The following SEMA4B variants were observed in gnomAD, a reference collection of about 807,000 sequenced individuals.
The protein encoded by SEMA4B is semaphorin 4B.
Under a neutral mutation model 88.1 loss-of-function variants are expected in SEMA4B, and 55 were observed. The ratio of observed to expected loss-of-function variants is 0.62; its 90% CI spans 0.50 to 0.78. The LOEUF (loss-of-function observed/expected upper bound fraction) is 0.78, where lower values mean the gene tolerates loss of function less well. Ranked by LOEUF, SEMA4B falls within the 30% of genes least tolerant of loss-of-function variation. The probability of loss-of-function intolerance (pLI) is 0.00; values close to 1 mark genes in which losing one functional copy is unlikely to be tolerated. For synonymous variants in SEMA4B, 525 were observed against 473.6 expected (o/e 1.11, Z -1.41); for missense variants, 1,062 against 1,111.9 (o/e 0.96, Z 0.64).
chr15:90,188,603 G>C (rs924486028), intron 1 of SEMA4B, among the ~76,000 whole-genome samples: 1 of 151,984 alleles, frequency 6.6e-6, no homozygotes. Context: ...ACTCCAGCCT[G>C]GACGACAGAA....
intron 1 of SEMA4B, chr15:90,185,119 G>GCC: frequency 1.0e-6 from 1 of 962,066 alleles, no homozygotes. Context: ...GGGAGCCGCT[G>GCC]CCCGGGAGGT....
Position 90,225,153 on chromosome 15 carries a change from C to T in SEMA4B, c.1380C>T (p.Thr460=). The T allele has an allele frequency of 1.2e-6, 2 of 1,609,632 alleles. No homozygotes were observed. Among genetic ancestry groups the T allele is most frequent in the Non-Finnish European group, 1.7e-6 (2 of 1,177,956 alleles). Reference sequence around the variant, plus strand: ...ACCGCGTCCCTGGCCTGCACCACACCTACGATGTCCTCTTCCTGGGCACTG... The same window carrying T: ...ACCGCGTCCCTGGCCTGCACCACACTTACGATGTCCTCTTCCTGGGCACTG... ...AVHRVPGLHH[T]YDVLFLGTGD... is the part of the protein sequence containing the mutation. The change falls in exon 10 of 14, where the codon ACC becomes ACT. Residue 460 remains threonine, a synonymous_variant. Coordinates refer to ENST00000411539, the MANE Select transcript of SEMA4B (RefSeq NM_198925.4).
chr15:90,210,305 T>G (rs768817358), intron 1 of SEMA4B, among the ~76,000 whole-genome samples: 1 of 151,932 alleles, frequency 6.6e-6, no homozygotes, highest in Non-Finnish European at 1.5e-5. Flanking sequence ...GTCTGGTGTG[T>G]TGGAGGAAGA....
At chr15:90,195,108 T>A (rs1960461312) in intron 1 of SEMA4B, among the ~76,000 whole-genome samples, 2 of 152,228 alleles carry the variant, frequency 1.3e-5, no homozygotes, top group Admixed American at 1.3e-4. Context: ...TGATTTTGTT[T>A]GTTTTTTTTT....
chr15:90,199,018 C>T (rs906920252), upstream of SEMA4B, among the ~76,000 whole-genome samples: 1 of 152,148 alleles, frequency 6.6e-6, no homozygotes, highest in Non-Finnish European at 1.5e-5. Context: ...GGATTACAGG[C>T]ACACACCACC....
intron 1 of SEMA4B, chr15:90,206,850 T>C: frequency 1.4e-6 from 1 of 719,974 alleles, no homozygotes; most frequent in Non-Finnish European, 2.5e-6. Flanking sequence ...TCTGTCAAAT[T>C]GACAGAGAGG....
At chr15:90,214,633 CAAAAAAAAAAAAA>C (rs766089827) in intron 1 of SEMA4B, among the ~76,000 whole-genome samples, 1 of 94,278 alleles carries the variant, frequency 1.1e-5, no homozygotes, top group Admixed American at 1.2e-4. Context: ...AACACCATCT[CAAAAAAAAAAAAA>C]AAAAAAAAGG....
intron 1 of SEMA4B, among the ~76,000 whole-genome samples, chr15:90,186,000 C>T (rs1179058344): frequency 2.4e-5 from 3 of 123,770 alleles, no homozygotes; most frequent in Non-Finnish European, 4.7e-5. Flanking sequence ...GTAGCGCGAT[C>T]TTGGCTCACC....
chr15:90,228,268 C>A lies in SEMA4B; in HGVS notation c.2139C>A (p.Ser713=). Reference sequence around the variant, plus strand: ...AGGCCAGCTGGGGTGCAGACAGGTCCTACTGGAAGGAGTTCCTGGTGATGT... The same window carrying A: ...AGGCCAGCTGGGGTGCAGACAGGTCATACTGGAAGGAGTTCCTGGTGATGT... The part of the protein sequence containing the change: ...GGKASWGADR[S]YWKEFLVMCT... The change falls in exon 14 of 14, where the codon TCC becomes TCA. Residue 713 remains serine (S), a synonymous_variant. Coordinates refer to ENST00000411539, the MANE Select transcript of SEMA4B (RefSeq NM_198925.4). 1 of 1,591,560 alleles carries A rather than the reference C, an allele frequency of 6.3e-7. No individual in the cohort carries two copies. The highest frequency in any genetic ancestry group is 8.6e-7 in the Non-Finnish European group (1 of 1,168,144).
chr15:90,195,734 G>A (rs553452780), intron 1 of SEMA4B, among the ~76,000 whole-genome samples: 8 of 149,124 alleles, frequency 5.4e-5, no homozygotes, highest in Non-Finnish European at 7.4e-5. Flanking sequence ...CTCACCCCCC[G>A]AAGTAGCTGG....
intron 1 of SEMA4B, chr15:90,214,910 A>G: frequency 9.1e-7 from 1 of 1,099,228 alleles, no homozygotes; most frequent in Non-Finnish European, 1.2e-6. Flanking sequence ...TCTTTTCTTC[A>G]TGTCTCCCCA....
At chr15:90,197,639 G>T (rs1960555726), upstream of SEMA4B, among the ~76,000 whole-genome samples, 1 of 151,688 alleles carries the variant, frequency 6.6e-6, no homozygotes, top group East Asian at 2.0e-4. Flanking sequence ...GGGTTTTACT[G>T]TGTTAGCCAG....
At chr15:90,187,043 G>A (rs1185865645) in intron 1 of SEMA4B, among the ~76,000 whole-genome samples, 1 of 152,226 alleles carries the variant, frequency 6.6e-6, no homozygotes, top group Admixed American at 6.5e-5. Context: ...GCCTTGGGGA[G>A]AGCTGAGTCT....
intron 1 of SEMA4B, among the ~76,000 whole-genome samples, chr15:90,187,710 C>T (rs1480986341): frequency 6.6e-6 from 1 of 152,186 alleles, no homozygotes; most frequent in East Asian, 1.9e-4. Context: ...GTGAAAGTGT[C>T]TAAAGAAAGG....
At chr15:90,200,006 T>C (rs1435471994), upstream of SEMA4B, among the ~76,000 whole-genome samples, 4 of 152,202 alleles carry the variant, frequency 2.6e-5, no homozygotes, top group Admixed American at 2.0e-4. Context: ...TGTGGAATTC[T>C]GTGTCCAGTT....
At chr15:90,220,110 G>C (rs1049714115) in intron 4 of SEMA4B, 1 of 518,486 alleles carries the variant, frequency 1.9e-6, no homozygotes, top group Non-Finnish European at 3.4e-6. Flanking sequence ...GGGCACATGC[G>C]GTCACTTACC....
intron 1 of SEMA4B, among the ~76,000 whole-genome samples, chr15:90,196,280 C>T (rs1349746887): frequency 6.6e-6 from 1 of 151,916 alleles, no homozygotes; most frequent in Non-Finnish European, 1.5e-5. Context: ...GTCAAATAGT[C>T]CCATTACTAT....
upstream of SEMA4B, among the ~76,000 whole-genome samples, chr15:90,197,930 A>ATTTT (rs564036454): frequency 7.0e-5 from 10 of 143,080 alleles, no homozygotes; most frequent in Non-Finnish European, 1.2e-4. Context: ...TAATTAATTA[A>ATTTT]TTTTTTTTTT....
At chr15:90,217,981 C>T (rs955376726) in intron 3 of SEMA4B, 152 bp downstream of exon 3, 25 of 636,914 alleles carry the variant, frequency 3.9e-5, no homozygotes, top group Non-Finnish European at 6.6e-5. Flanking sequence ...GGTTTGAATC[C>T]CAGCACTACA....
Sources: gnomAD v4.1 joint callset for allele counts (sites outside exome capture counted in the v4.1 genomes callset) on GRCh38, gnomAD v4.1.1 for gene constraint, MANE v1.5 for transcripts, NCBI Gene and HGNC (gene_info 2026-07-23, HGNC 2026-07-21) for gene names.